Variants in PTPRD observed in about 807,000 individuals in gnomAD.
The protein encoded by PTPRD is receptor-type tyrosine-protein phosphatase delta.
PTPRD carries 34 observed loss-of-function variants against 214.5 expected under a neutral mutation model. The ratio of observed to expected loss-of-function variants is 0.16; its 90% CI spans 0.12 to 0.21. The LOEUF (loss-of-function observed/expected upper bound fraction) is 0.21. Ranked by LOEUF, PTPRD falls within the 10% of genes least tolerant of loss-of-function variation. PTPRD has a pLI of 1.00. For synonymous variants in PTPRD, 1,128 were observed against 845.7 expected (o/e 1.33, Z -5.79); for missense variants, 2,545 against 2,398.7 (o/e 1.06, Z -1.27).
intron 37 of PTPRD, among the ~76,000 whole-genome samples, chr9:8,388,117 T>G (rs1017000864): frequency 1.3e-5 from 2 of 152,190 alleles, no homozygotes; most frequent in Non-Finnish European, 2.9e-5. Flanking sequence ...TGCTTTTGAT[T>G]TCCCACCTTT....
chr9:9,576,002 T>G (rs1284356693), intron 7 of PTPRD, among the ~76,000 whole-genome samples: 1 of 152,080 alleles, frequency 6.6e-6, no homozygotes, highest in Non-Finnish European at 1.5e-5. Context: ...AAATGACTGG[T>G]AGGTCTACAA....
intron 3 of PTPRD, among the ~76,000 whole-genome samples, chr9:10,113,207 G>C (rs897270462): frequency 6.6e-6 from 1 of 152,110 alleles, no homozygotes; most frequent in African/African-American, 2.4e-5. Flanking sequence ...TAACTAAACA[G>C]GAACTGTTTC....
In PTPRD at chr9:8,485,845, T is replaced by A. The variant is rs368569086; in HGVS notation, c.2972A>T (p.Asp991Val). The A allele has an allele frequency of 1.1e-4, 173 of 1,614,014 alleles. No individual in the cohort carries two copies. Among genetic ancestry groups the A allele is most frequent in the Non-Finnish European group, 6.3e-5 (74 of 1,180,024 alleles). Residue 991 changes from aspartate to valine, a missense_variant, in exon 28 of 46, where the codon GAT becomes GTT. By Grantham distance (152) the Asp-to-Val change is radical. Coordinates refer to ENST00000381196, the MANE Select transcript of PTPRD (RefSeq NM_002839.4). Reference protein sequence around the residue: ...LTGLKPDTTYDVKVRAHTSKG... With the variant: ...LTGLKPDTTYVVKVRAHTSKG... ...GCTCGTATGAGCACGTACTTTTACATCGTATGTGGTATCTGGTTTTAAGCC... is the reference window on the plus strand; with the variant it reads ...GCTCGTATGAGCACGTACTTTTACAACGTATGTGGTATCTGGTTTTAAGCC...
chr9:9,328,191 A>T (rs2040792883), intron 9 of PTPRD, among the ~76,000 whole-genome samples: 2 of 152,172 alleles, frequency 1.3e-5, no homozygotes, highest in Non-Finnish European at 2.9e-5. Context: ...TTTAACACTT[A>T]TATTTAATAT....
chr9:9,139,990 G>C (rs1569551888), intron 10 of PTPRD, among the ~76,000 whole-genome samples: 1 of 152,028 alleles, frequency 6.6e-6, no homozygotes, highest in South Asian at 2.1e-4. Context: ...TAGTATAATT[G>C]TATATATACC....
intron 11 of PTPRD, among the ~76,000 whole-genome samples, chr9:9,015,082 G>T (rs1289673230): frequency 6.6e-6 from 1 of 151,968 alleles, no homozygotes; most frequent in African/African-American, 2.4e-5. Flanking sequence ...AATAAGCCAG[G>T]TTTATTTTAA....
At chr9:9,863,153 C>T (rs1379501325) in intron 5 of PTPRD, among the ~76,000 whole-genome samples, 4 of 152,120 alleles carry the variant, frequency 2.6e-5, no homozygotes, top group African/African-American at 4.8e-5. Flanking sequence ...AATCTCTTCA[C>T]TTGAAAAGCT....
intron 12 of PTPRD, among the ~76,000 whole-genome samples, chr9:8,704,139 G>A (rs1043158073): frequency 4.6e-5 from 7 of 152,052 alleles, no homozygotes; most frequent in South Asian, 4.1e-4. Flanking sequence ...TCTCTCACCT[G>A]ATCAACCACT....
intron 8 of PTPRD, among the ~76,000 whole-genome samples, chr9:9,444,391 T>C (rs879023289): frequency 6.6e-6 from 1 of 152,202 alleles, no homozygotes; most frequent in Admixed American, 6.5e-5. Context: ...CAAACAATAA[T>C]CTCTCCTATG....
At chr9:10,295,230 T>C (rs1245091971) in intron 3 of PTPRD, among the ~76,000 whole-genome samples, 1 of 152,016 alleles carries the variant, frequency 6.6e-6, no homozygotes. Flanking sequence ...ATCAAACAAT[T>C]CTGGATATTT....
At chr9:10,383,019 T>C (rs2097851583) in intron 2 of PTPRD, among the ~76,000 whole-genome samples, 1 of 151,838 alleles carries the variant, frequency 6.6e-6, no homozygotes, top group Non-Finnish European at 1.5e-5. Context: ...TATAATCACA[T>C]TGGTATTCAT....
chr9:8,594,857 C>A (rs1461113430), intron 14 of PTPRD, among the ~76,000 whole-genome samples: 3 of 137,098 alleles, frequency 2.2e-5, no homozygotes, highest in African/African-American at 8.1e-5. Context: ...ATATGTTTAA[C>A]CCCTTTTTTT....
intron 8 of PTPRD, among the ~76,000 whole-genome samples, chr9:9,465,396 G>A (rs1352529849): frequency 1.3e-5 from 2 of 152,108 alleles, no homozygotes; most frequent in Admixed American, 1.3e-4. Flanking sequence ...TATTTTATAA[G>A]GCTAAGAGCC....
At chr9:9,389,771 T>C (rs2065154062) in intron 9 of PTPRD, among the ~76,000 whole-genome samples, 1 of 152,216 alleles carries the variant, frequency 6.6e-6, no homozygotes. Context: ...ATTTCTATAA[T>C]TTGACTGTCC....
At chr9:10,253,600 T>C (rs777696839) in intron 3 of PTPRD, among the ~76,000 whole-genome samples, 3 of 152,228 alleles carry the variant, frequency 2.0e-5, no homozygotes, top group Non-Finnish European at 4.4e-5. Context: ...TCAGCTTTAT[T>C]TATAAGGGCT....
At chr9:9,105,279 T>C (rs1042940129) in intron 10 of PTPRD, among the ~76,000 whole-genome samples, 4 of 152,172 alleles carry the variant, frequency 2.6e-5, no homozygotes, top group Admixed American at 1.3e-4. Flanking sequence ...AGCATTGTTT[T>C]CACTAAGCCT....
chr9:8,758,250 T>A (rs554968846), intron 11 of PTPRD, among the ~76,000 whole-genome samples: 25 of 152,304 alleles, frequency 1.6e-4, no homozygotes, highest in Non-Finnish European at 2.6e-4. Flanking sequence ...CTACAGAATA[T>A]AATTTGAGTG....
At chr9:8,841,975 C>G (rs2097567711) in intron 11 of PTPRD, among the ~76,000 whole-genome samples, 1 of 150,468 alleles carries the variant, frequency 6.6e-6, no homozygotes, top group Non-Finnish European at 1.5e-5. Context: ...GGCCCCACTG[C>G]ACTCCAGCCT....
At chr9:10,296,013 C>A (rs965522126) in intron 3 of PTPRD, among the ~76,000 whole-genome samples, 2 of 151,998 alleles carry the variant, frequency 1.3e-5, no homozygotes, top group Non-Finnish European at 1.5e-5. Flanking sequence ...AAAGGACAGA[C>A]AGAACCACAT....
Sources: gnomAD v4.1 joint callset for allele counts (sites outside exome capture counted in the v4.1 genomes callset) on GRCh38, gnomAD v4.1.1 for gene constraint, MANE v1.5 for transcripts, NCBI Gene and HGNC (gene_info 2026-07-23, HGNC 2026-07-21) for gene names.